Variants in CLIC5 observed in about 807,000 individuals in gnomAD.
The protein encoded by CLIC5 is chloride intracellular channel protein 5.
Under a neutral mutation model 24.7 loss-of-function variants are expected in CLIC5, and 20 were observed. The observed-to-expected ratio is 0.81, with a 90% CI of 0.57 to 1.18. The LOEUF is 1.18. Among genes scored for constraint, CLIC5 ranks in the 50% most tolerant of loss-of-function variants. CLIC5 has a pLI of 0.00. For missense variants in CLIC5, 341 were observed against 326.1 expected, an observed-to-expected ratio of 1.05 and a Z score of -0.35; for synonymous variants, 159 against 135.6, an observed-to-expected ratio of 1.17 and a Z score of -1.20.
the CLIC5 span, among the ~76,000 whole-genome samples, chr6:46,120,104 T>A: frequency 2.0e-5 from 3 of 152,174 alleles, no homozygotes; most frequent in Non-Finnish European, 4.4e-5. Flanking sequence ...CAGCATGCAG[T>A]TTGAGATCTG....
At chr6:45,934,229 G>C (rs934123770) in intron 4 of CLIC5, 4 of 152,186 alleles carry the variant, frequency 2.6e-5, no homozygotes, top group African/African-American at 9.7e-5. Flanking sequence ...CTCACCCAGG[G>C]CTCCATTTGA....
At chr6:45,970,927 T>A (rs889984677) in intron 1 of CLIC5, among the ~76,000 whole-genome samples, 2 of 152,198 alleles carry the variant, frequency 1.3e-5, no homozygotes, top group African/African-American at 4.8e-5. Context: ...GAGTCAGAGG[T>A]GATCCCTGCT....
chr6:46,050,694 A>G (rs1218528560), intron 1 of CLIC5, among the ~76,000 whole-genome samples: 1 of 152,322 alleles, frequency 6.6e-6, no homozygotes, highest in East Asian at 1.9e-4. Flanking sequence ...CAAAAGAATC[A>G]TGGGCTCTGA....
chr6:45,934,382 C>T (rs1290065549), intron 4 of CLIC5: 1 of 151,798 alleles, frequency 6.6e-6, no homozygotes, highest in Non-Finnish European at 1.5e-5. Context: ...CCCCCCAAGA[C>T]AGAGGAATAC....
At chr6:46,033,491 G>A (rs1272469733) in intron 1 of CLIC5, among the ~76,000 whole-genome samples, 1 of 152,028 alleles carries the variant, frequency 6.6e-6, no homozygotes, top group African/African-American at 2.4e-5. Flanking sequence ...AACCTCCGTG[G>A]GCTCATGCCC....
intron 6 of CLIC5, among the ~76,000 whole-genome samples, chr6:45,885,473 T>G (rs1178532732): frequency 6.6e-6 from 1 of 152,190 alleles, no homozygotes; most frequent in African/African-American, 2.4e-5. Flanking sequence ...GCCCATAATG[T>G]CAACAGAAGA....
At chr6:46,054,280 C>T (rs1768186139) in intron 1 of CLIC5, among the ~76,000 whole-genome samples, 1 of 152,106 alleles carries the variant, frequency 6.6e-6, no homozygotes, top group African/African-American at 2.4e-5. Context: ...ACAAGACTGG[C>T]TATAAAACCC....
At chr6:45,880,852 G>T (rs1762256425), downstream of CLIC5, 1 of 309,536 alleles carries the variant, frequency 3.2e-6, no homozygotes, top group East Asian at 4.9e-5. Context: ...TAGTTTAATT[G>T]AACTGCAGCA....
intron 1 of CLIC5, among the ~76,000 whole-genome samples, chr6:46,001,566 G>C (rs1380147305): frequency 6.6e-6 from 1 of 152,126 alleles, no homozygotes; most frequent in Non-Finnish European, 1.5e-5. Context: ...AGACCCCCAG[G>C]CTGCAAGTTC....
At chr6:45,990,948 ATCAAGTCTCTCC>A (rs1356726520) in intron 1 of CLIC5, among the ~76,000 whole-genome samples, 1 of 152,138 alleles carries the variant, frequency 6.6e-6, no homozygotes, top group Non-Finnish European at 1.5e-5. Flanking sequence ...ATAGACCCAT[ATCAAGTCTCTCC>A]TCAAGCTGTC....
rs530252558 is a variant in CLIC5, at chr6:46,015,210, G to C, written c.63+270C>G. Among the ~76,000 whole-genome samples the C allele has an allele frequency of 2.0e-5, 3 of 152,334 alleles. No homozygotes were observed. The East Asian group carries it at 5.8e-4, about 29-fold the overall frequency. ...GCGTCCGGGCTGGGCTCTGGACTCG[G>C]ACTCGCAGCGGTGACAGCGGAGGCG... On this transcript the variant is annotated intron_variant, in intron 1 of 5. Coordinates refer to ENST00000339561, the MANE Select transcript of CLIC5 (RefSeq NM_016929.5).
At chr6:45,924,039 A>G (rs1763379112) in intron 4 of CLIC5, among the ~76,000 whole-genome samples, 1 of 152,222 alleles carries the variant, frequency 6.6e-6, no homozygotes, top group Non-Finnish European at 1.5e-5. Context: ...AGCAGTTGTT[A>G]TGTACAATGT....
chr6:46,054,966 C>T (rs927855473), intron 1 of CLIC5, among the ~76,000 whole-genome samples: 1 of 152,188 alleles, frequency 6.6e-6, no homozygotes, highest in African/African-American at 2.4e-5. Flanking sequence ...ACAAAGGGTC[C>T]TTTTTTGCTA....
chr6:46,001,734 T>G (rs1264762554), intron 1 of CLIC5, among the ~76,000 whole-genome samples: 1 of 152,180 alleles, frequency 6.6e-6, no homozygotes, highest in Non-Finnish European at 1.5e-5. Context: ...TTGGAGTTAG[T>G]CAGAAACCCC....
the CLIC5 span, among the ~76,000 whole-genome samples, chr6:46,094,842 G>A: frequency 2.0e-5 from 3 of 152,216 alleles, no homozygotes; most frequent in Non-Finnish European, 4.4e-5. Context: ...CTGAGTGGGG[G>A]CTACAATCCC....
chr6:46,002,469 G>A (rs762941169), intron 1 of CLIC5, among the ~76,000 whole-genome samples: 1 of 152,126 alleles, frequency 6.6e-6, no homozygotes, highest in Non-Finnish European at 1.5e-5. Flanking sequence ...TGCTCTTGGT[G>A]GCCACACCCA....
exon 1 of CLIC5, chr6:46,079,907 T>A: frequency 8.4e-6 from 13 of 1,551,932 alleles, no homozygotes; most frequent in Non-Finnish European, 1.0e-5. Context: ...CCTGGGTTGA[T>A]GAATATAACC....
the CLIC5 span, among the ~76,000 whole-genome samples, chr6:46,127,723 A>G: frequency 1.3e-5 from 2 of 152,224 alleles, no homozygotes; most frequent in East Asian, 3.8e-4. Flanking sequence ...CCTCAGTTTA[A>G]GATGTGGACT....
intron 2 of CLIC5, among the ~76,000 whole-genome samples, chr6:45,951,243 C>A (rs190780104): frequency 6.6e-6 from 1 of 152,164 alleles, no homozygotes; most frequent in African/African-American, 2.4e-5. Flanking sequence ...ATTTCTCCCC[C>A]CTGGGAAAGA....
Sources: allele counts gnomAD v4.1 joint callset (sites outside exome capture counted in the v4.1 genomes callset), GRCh38; gene constraint gnomAD v4.1.1; transcripts MANE v1.5; gene names NCBI Gene and HGNC (gene_info 2026-07-23, HGNC 2026-07-21).